The following SGO1 variants were observed in gnomAD, a reference collection of about 807,000 sequenced individuals.
SGO1 encodes shugoshin 1, also known as serologically defined breast cancer antigen NY-BR-85.
In SGO1, 39 loss-of-function variants were observed where a neutral mutation model predicts 50.5. The observed-to-expected ratio is 0.77, with a 90% CI of 0.60 to 1.01. SGO1 has a LOEUF of 1.01. SGO1 is among the 50% of genes least tolerant of loss of function. The probability of loss-of-function intolerance (pLI) is 0.00; values close to 1 mark genes in which losing one functional copy is unlikely to be tolerated. For synonymous variants in SGO1, 191 were observed against 205.1 expected, an observed-to-expected ratio of 0.93 and a Z score of 0.59; for missense variants, 638 against 606.0, an observed-to-expected ratio of 1.05 and a Z score of -0.55.
chr3:20,170,514 A>G lies in SGO1; in HGVS notation c.*190T>C, dbSNP rs1700603613. 1 of 1,173,468 alleles carries G rather than the reference A, an allele frequency of 8.5e-7. No individual in the cohort carries two copies. The highest frequency in any genetic ancestry group is 1.1e-6 in the Non-Finnish European group (1 of 949,600). The allele number at this position is 1,173,468 out of a possible 1,614,324, so 72.7% of individuals were successfully genotyped here. A position where few individuals can be genotyped will look rare whatever the true frequency, so the allele number is the denominator to read the frequency against. The stretch of plus-strand genomic sequence containing the variant: ...TTATATTCAAAAGAAAAAATAAATT[A>G]AATTTATTAAAGTTTTAATACAAAG... On this transcript the variant is annotated 3_prime_UTR_variant, in exon 8 of 8. Coordinates refer to ENST00000412997, the MANE Select transcript of SGO1 (RefSeq NM_001199251.3).
Position 20,170,559 on chromosome 3 carries a change from T to C in SGO1, c.*145A>G. 7.7e-7 allele frequency: 1 copy of C among 1,306,348 alleles called. No homozygotes were observed. The highest frequency in any genetic ancestry group is 9.7e-7 in the Non-Finnish European group (1 of 1,029,260). 80.9% of individuals were successfully genotyped at this position (1,306,348 alleles called of 1,614,324 possible). A position where few individuals can be genotyped will look rare whatever the true frequency, so the allele number is the denominator to read the frequency against. ...ACAAAGCATCCCATTTGAAGTATAG[T>C]TCTGAAGAAATGTTTATGAGCTAGG... On this transcript the variant is annotated 3_prime_UTR_variant, in exon 8 of 8. Transcript: ENST00000412997.
chr3:20,181,643 T>C (rs1286311846), intron 3 of SGO1, among the ~76,000 whole-genome samples: 1 of 152,234 alleles, frequency 6.6e-6, no homozygotes, highest in Non-Finnish European at 1.5e-5. Context: ...AGTATTTGCT[T>C]CCTACTATTT....
At chr3:20,182,511 T>G (rs1702137293) in intron 3 of SGO1, among the ~76,000 whole-genome samples, 1 of 152,184 alleles carries the variant, frequency 6.6e-6, no homozygotes, top group Non-Finnish European at 1.5e-5. Flanking sequence ...CCCATTTCCT[T>G]GGCAGTGGCT....
chr3:20,164,516 T>A (rs140913446), downstream of SGO1, among the ~76,000 whole-genome samples: 174 of 152,250 alleles, frequency 1.1e-3, 1 homozygote, highest in African/African-American at 3.9e-3. Flanking sequence ...CCTCCCAAAG[T>A]CGAGAAAAAG....
Position 20,170,048 on chromosome 3 carries a change from G to A in SGO1, c.*656C>T. On this transcript the variant is annotated 3_prime_UTR_variant, in exon 8 of 8. Coordinates refer to ENST00000412997, the MANE Select transcript of SGO1 (RefSeq NM_001199251.3). ...ACTTAAGGGAAAAATAGAGATGCCA[G>A]AAGCTTATAATTAAAAGATCTTATT... The A allele has an allele frequency of 2.0e-6, 2 of 985,038 alleles. No homozygotes were observed. Among genetic ancestry groups the A allele is most frequent in the Non-Finnish European group, 2.4e-6 (2 of 829,578 alleles). 61.0% of individuals were successfully genotyped at this position (985,038 alleles called of 1,614,324 possible). A position where few individuals can be genotyped will look rare whatever the true frequency, so the allele number is the denominator to read the frequency against.
Position 20,174,386 on chromosome 3 carries a change from T to C in SGO1, c.1145A>G (p.Tyr382Cys), listed in dbSNP as rs751094119. The C allele has an allele frequency of 4.3e-6, 7 of 1,614,028 alleles. No individual in the cohort carries two copies. The highest frequency in any genetic ancestry group is 2.2e-5 in the East Asian group (1 of 44,874). The change falls in exon 6 of 8, where the codon TAT becomes TGT. Residue 382 changes from tyrosine to cysteine, a missense_variant. By Grantham distance (194) the Tyr-to-Cys change is radical. Coordinates refer to ENST00000412997, the MANE Select transcript of SGO1 (RefSeq NM_001199251.3). The stretch of plus-strand genomic sequence containing the variant: ...CTGAATGTACTTGCAAGTGGGCAAA[T>C]AGAGGTCATCGGAATCATCTCCTGA... ...SGSGDDSDDLYLPTCKYIQNP... is the reference protein window; with the variant it reads ...SGSGDDSDDLCLPTCKYIQNP...
intron 3 of SGO1, among the ~76,000 whole-genome samples, chr3:20,183,197 T>C (rs1046120512): frequency 2.0e-5 from 3 of 152,114 alleles, no homozygotes; most frequent in African/African-American, 7.2e-5. Context: ...CAAAATGACA[T>C]AGCAAAACAA....
At position 20,171,276 on chromosome 3, in the gene SGO1, C is replaced by T. The variant is rs778506762; in HGVS notation, c.1283-44G>A. 6 of 1,445,292 alleles carry T rather than the reference C, an allele frequency of 4.2e-6. No individual in the cohort carries two copies. The Admixed American group carries it at 1.2e-4, about 29-fold the overall frequency. 89.5% of individuals were successfully genotyped at this position (1,445,292 alleles called of 1,614,324 possible). A position where few individuals can be genotyped will look rare whatever the true frequency, so the allele number is the denominator to read the frequency against. ...TGAATATGATTTAAAAAAAAAAACC[C>T]ACACAAAAACTTAAATTGTACTCAA... On this transcript the variant is annotated intron_variant, in intron 6 of 7. Transcript: ENST00000412997.
At chr3:20,179,047 G>A (rs1376753326) in intron 3 of SGO1, among the ~76,000 whole-genome samples, 1 of 152,172 alleles carries the variant, frequency 6.6e-6, no homozygotes, top group Non-Finnish European at 1.5e-5. Context: ...TGGCTATGGA[G>A]GTGAAGCCCA....
chr3:20,185,272 G>C (rs9875214), intron 1 of SGO1, among the ~76,000 whole-genome samples: 1,993 of 152,268 alleles, frequency 0.013, 50 homozygotes, highest in African/African-American at 0.045. Flanking sequence ...TTAAGTAACG[G>C]ATCTAGTTTA....
intron 6 of SGO1, among the ~76,000 whole-genome samples, chr3:20,171,525 C>T (rs1302505359): frequency 6.6e-6 from 1 of 152,040 alleles, no homozygotes; most frequent in Non-Finnish European, 1.5e-5. Context: ...CTTTTTTTAG[C>T]TTTTTCATCA....
intron 8 of SGO1, among the ~76,000 whole-genome samples, chr3:20,161,993 A>G (rs1056211722): frequency 8.5e-5 from 13 of 152,204 alleles, no homozygotes; most frequent in African/African-American, 2.2e-4. Context: ...TTTCTTCCCA[A>G]CGTAGTTTCA....
intron 3 of SGO1, among the ~76,000 whole-genome samples, chr3:20,182,797 T>G (rs1702172954): frequency 6.6e-6 from 1 of 152,098 alleles, no homozygotes; most frequent in Non-Finnish European, 1.5e-5. Context: ...CATGGGCGGA[T>G]CACGAGGTCA....
intron 5 of SGO1, 92 bp downstream of exon 5, chr3:20,176,509 A>G (rs1701405827): frequency 8.6e-6 from 7 of 816,848 alleles, no homozygotes; most frequent in Non-Finnish European, 1.3e-5. Flanking sequence ...AAAAAGTTAA[A>G]AAAAAAGAAT....
chr3:20,176,422 AAATAT>A (rs1701395768), intron 5 of SGO1, among the ~76,000 whole-genome samples, 174 bp downstream of exon 5: 1 of 152,234 alleles, frequency 6.6e-6, no homozygotes, highest in Non-Finnish European at 1.5e-5. Context: ...TTGACACAAT[AAATAT>A]ATTTTAACAC....
downstream of SGO1, chr3:20,169,385 T>C: frequency 1.1e-5 from 11 of 984,212 alleles, no homozygotes; most frequent in Non-Finnish European, 1.3e-5. Context: ...AAAAAGAGAA[T>C]ACCAAGGGGA....
chr3:20,167,700 A>C (rs931772130), downstream of SGO1, among the ~76,000 whole-genome samples: 5 of 152,224 alleles, frequency 3.3e-5, no homozygotes, highest in Non-Finnish European at 1.5e-5. Flanking sequence ...TGGAACTTAG[A>C]AACTGCTATT....
intron 8 of SGO1, among the ~76,000 whole-genome samples, chr3:20,161,388 T>C (rs557458545): frequency 6.6e-6 from 1 of 152,088 alleles, no homozygotes; most frequent in South Asian, 2.1e-4. Context: ...ACAACAAATA[T>C]CAGAATTAGA....
intron 5 of SGO1, among the ~76,000 whole-genome samples, 159 bp downstream of exon 5, chr3:20,176,439 CTAT>C (rs1701397239): frequency 6.6e-6 from 1 of 152,040 alleles, no homozygotes; most frequent in African/African-American, 2.4e-5. Context: ...TTTTAACACT[CTAT>C]TACTCTGTGT....
Sources: allele counts gnomAD v4.1 joint callset (sites outside exome capture counted in the v4.1 genomes callset), GRCh38; gene constraint gnomAD v4.1.1; transcripts MANE v1.5; gene names NCBI Gene and HGNC (gene_info 2026-07-23, HGNC 2026-07-21).